CSMD3: variants seen among roughly 807,000 people sequenced by gnomAD.
CSMD3 encodes the protein CUB and Sushi multiple domains 3, also known as CUB and sushi domain-containing protein 3.
CSMD3 carries 177 observed loss-of-function variants against 435.2 expected under a neutral mutation model. The observed-to-expected ratio is 0.41, with a 90% CI of 0.36 to 0.46. The LOEUF is 0.46. CSMD3 is among the 20% of genes least tolerant of loss of function. CSMD3 has a pLI of 0.34. For synonymous variants in CSMD3, 1,656 were observed against 1,520.5 expected (o/e 1.09, Z -2.07); for missense variants, 4,265 against 4,504.6 (o/e 0.95, Z 1.52).
intron 5 of CSMD3, among the ~76,000 whole-genome samples, chr8:113,050,725 T>C (rs1564255378): frequency 6.6e-6 from 1 of 152,116 alleles, no homozygotes; most frequent in Non-Finnish European, 1.5e-5. Flanking sequence ...CAGAAGAGAC[T>C]GCTCTCTGAT....
chr8:112,672,366 G>T (rs1029062313), intron 16 of CSMD3, among the ~76,000 whole-genome samples: 2 of 152,034 alleles, frequency 1.3e-5, no homozygotes, highest in Non-Finnish European at 1.5e-5. Flanking sequence ...GGGGCCTCTG[G>T]TTACCTGCAG....
At chr8:113,184,748 C>T (rs530406905) in intron 3 of CSMD3, among the ~76,000 whole-genome samples, 5 of 152,016 alleles carry the variant, frequency 3.3e-5, no homozygotes, top group South Asian at 4.1e-4. Flanking sequence ...TATCAGCTTC[C>T]GAAAGCAGAT....
At position 112,751,603 on chromosome 8, in the gene CSMD3, A is replaced by C. The variant is rs377561192; in HGVS notation, c.1972+48559T>G. ...GTAAAATACCTATTCCAATCACTAT[A>C]CTTTTTTCAAAATAAGAAGTTTAGG... On this transcript the variant is annotated intron_variant, in intron 13 of 70. Transcript: ENST00000297405. 9.5e-5 allele frequency among the ~76,000 whole-genome samples: 14 copies of C among 148,008 alleles called. 1 individual carries two copies. In the East Asian group the frequency reaches 2.2e-3, roughly 23 times the overall value.
At chr8:113,257,494 A>G (rs751399981) in intron 3 of CSMD3, among the ~76,000 whole-genome samples, 63 of 152,056 alleles carry the variant, frequency 4.1e-4, no homozygotes, top group Non-Finnish European at 6.6e-4. Flanking sequence ...AGAGTGGCAA[A>G]CCCAGAGATG....
intron 22 of CSMD3, among the ~76,000 whole-genome samples, chr8:112,593,849 A>G (rs1436165231): frequency 1.3e-5 from 2 of 152,204 alleles, no homozygotes; most frequent in Non-Finnish European, 2.9e-5. Flanking sequence ...GAAAGGAACT[A>G]TAATATTGTC....
intron 1 of CSMD3, among the ~76,000 whole-genome samples, chr8:113,348,047 A>T (rs1416047621): frequency 1.3e-5 from 2 of 152,154 alleles, no homozygotes; most frequent in East Asian, 3.9e-4. Context: ...TATAAGTACA[A>T]CTGAGAAAGG....
intron 3 of CSMD3, among the ~76,000 whole-genome samples, chr8:113,186,223 C>T (rs1268028249): frequency 6.6e-6 from 1 of 151,930 alleles, no homozygotes; most frequent in Non-Finnish European, 1.5e-5. Flanking sequence ...CCTATGTGGG[C>T]ATCCTTTTAA....
intron 10 of CSMD3, among the ~76,000 whole-genome samples, chr8:112,881,641 A>C (rs2130207521): frequency 6.6e-6 from 1 of 152,116 alleles, no homozygotes; most frequent in Admixed American, 6.6e-5. Context: ...GGCTTAACAA[A>C]TCCTTGGTGA....
At chr8:113,274,517 A>C (rs2093554546) in intron 3 of CSMD3, among the ~76,000 whole-genome samples, 1 of 152,064 alleles carries the variant, frequency 6.6e-6, no homozygotes, top group Admixed American at 6.6e-5. Context: ...CATTTCCTCC[A>C]TTAGCTTTTA....
intron 50 of CSMD3, among the ~76,000 whole-genome samples, chr8:112,307,641 G>T (rs185759528): frequency 6.6e-6 from 1 of 152,004 alleles, no homozygotes; most frequent in East Asian, 1.9e-4. Flanking sequence ...CTCCACATAA[G>T]GACTAACGTA....
At chr8:112,508,480 C>T (rs1822761565) in intron 28 of CSMD3, among the ~76,000 whole-genome samples, 1 of 152,090 alleles carries the variant, frequency 6.6e-6, no homozygotes, top group Non-Finnish European at 1.5e-5. Context: ...CGTTTCCCTC[C>T]TTATTCTAGG....
intron 1 of CSMD3, among the ~76,000 whole-genome samples, chr8:113,387,624 G>A (rs183129915): frequency 2.0e-5 from 3 of 151,426 alleles, no homozygotes; most frequent in Admixed American, 1.3e-4. Flanking sequence ...TTTAAAAGGA[G>A]AATCCAGAAG....
At position 112,312,144 on chromosome 8, in the gene CSMD3, G is replaced by C. The variant is rs1822034099; in HGVS notation, c.7697-978C>G. On this transcript the variant is annotated intron_variant, in intron 49 of 70. Coordinates refer to ENST00000297405, the MANE Select transcript of CSMD3 (RefSeq NM_198123.2). ...GAATTTAATGTGCTGACTTTTAAAT[G>C]CCCTATTTGGGCAACACTTTAATAA... Among the ~76,000 whole-genome samples the C allele has an allele frequency of 4.6e-5, 7 of 152,154 alleles. No individual in the cohort carries two copies. In the South Asian group the frequency reaches 1.5e-3, roughly 32 times the overall value.
At chr8:112,238,377 T>G (rs914126351) in intron 66 of CSMD3, among the ~76,000 whole-genome samples, 4 of 152,070 alleles carry the variant, frequency 2.6e-5, no homozygotes, top group Non-Finnish European at 5.9e-5. Context: ...AAGCTGTGTA[T>G]TCCCTGAATT....
chr8:112,437,714 A>G (rs1814528713), intron 32 of CSMD3, among the ~76,000 whole-genome samples: 1 of 152,096 alleles, frequency 6.6e-6, no homozygotes, highest in African/African-American at 2.4e-5. Flanking sequence ...AAACAATAGT[A>G]CAATTGGTAG....
At chr8:112,526,712 C>CT (rs1825006383) in intron 27 of CSMD3, among the ~76,000 whole-genome samples, 1 of 151,656 alleles carries the variant, frequency 6.6e-6, no homozygotes, top group African/African-American at 2.4e-5. Flanking sequence ...GTGGCCTTTG[C>CT]TCACTTTAAA....
At chr8:113,281,165 GTA>G (rs2093610471) in intron 2 of CSMD3, among the ~76,000 whole-genome samples, 1 of 151,838 alleles carries the variant, frequency 6.6e-6, no homozygotes, top group Non-Finnish European at 1.5e-5. Context: ...AAAATGTGCT[GTA>G]TATCTATCTG....
At chr8:112,313,854 T>G in intron 49 of CSMD3, 52 bp downstream of exon 49, 2 of 1,406,140 alleles carry the variant, frequency 1.4e-6, no homozygotes, top group South Asian at 2.3e-5. Context: ...TTAATCATAA[T>G]CATACCGAAG....
Position 113,314,573 on chromosome 8 carries a change from T to C in CSMD3, c.399A>G (p.Thr133=). 6.4e-7 allele frequency: 1 copy of C among 1,564,894 alleles called. No individual in the cohort carries two copies. Among genetic ancestry groups the C allele is most frequent in the Non-Finnish European group, 8.8e-7 (1 of 1,135,324 alleles). ...DGHPHPTNFR[T]RLTGFHLPPP... is the part of the protein sequence containing the mutation. Reference sequence around the variant, plus strand: ...TCTTCCATTCAAAACACACTAACCTTGTCCTAAAGTTTGTAGGATGAGGAT... The same window carrying C: ...TCTTCCATTCAAAACACACTAACCTCGTCCTAAAGTTTGTAGGATGAGGAT... Residue 133 remains threonine (T), a splice_region_variant and synonymous_variant, in exon 2 of 71, where the codon ACA becomes ACG. Transcript: ENST00000297405.
Sources: allele counts gnomAD v4.1 joint callset (sites outside exome capture counted in the v4.1 genomes callset), GRCh38; gene constraint gnomAD v4.1.1; transcripts MANE v1.5; gene names NCBI Gene and HGNC (gene_info 2026-07-23, HGNC 2026-07-21).